The following IL1RAPL2 variants were observed in gnomAD, a reference collection of about 807,000 sequenced individuals.
The protein encoded by IL1RAPL2 is interleukin 1 receptor accessory protein like 2, also known as X-linked interleukin-1 receptor accessory protein-like 2.
In IL1RAPL2, 3 loss-of-function variants were observed where a neutral mutation model predicts 44.1. That is an observed-to-expected ratio of 0.07 (90% CI 0.03 to 0.18). The LOEUF (loss-of-function observed/expected upper bound fraction) is 0.18. IL1RAPL2 is among the 10% of genes least tolerant of loss of function. The pLI, the probability that IL1RAPL2 is intolerant of heterozygous loss-of-function variation, is 1.00. For missense variants in IL1RAPL2, 391 were observed against 496.4 expected (o/e 0.79, Z 2.02); for synonymous variants, 181 against 178.8 (o/e 1.01, Z -0.10).
At position 104,688,660 on chromosome X, in the gene IL1RAPL2, G is replaced by T. The variant is rs201674319; in HGVS notation, c.82+29665G>T. ...TTTTCATATAACCTCTTCCTACTAAGATTTTCACCTCTCTTGTTTAACCCA... is the reference window on the plus strand; with the variant it reads ...TTTTCATATAACCTCTTCCTACTAATATTTTCACCTCTCTTGTTTAACCCA... On this transcript the variant is annotated intron_variant, in intron 2 of 10. Transcript: ENST00000372582. Among the ~76,000 whole-genome samples the T allele has an allele frequency of 4.5e-5, 5 of 111,665 alleles. No homozygotes were observed. The East Asian group carries it at 1.4e-3, about 31-fold the overall frequency.
chrX:104,754,252 T>C (rs1419677337), intron 2 of IL1RAPL2, among the ~76,000 whole-genome samples: 1 of 111,788 alleles, frequency 8.9e-6, no homozygotes, highest in Non-Finnish European at 1.9e-5. Flanking sequence ...TTTTAAAATG[T>C]CCATCTCTCT....
intron 4 of IL1RAPL2, among the ~76,000 whole-genome samples, chrX:105,254,528 C>T (rs1392681492): frequency 8.9e-6 from 1 of 111,807 alleles, no homozygotes; most frequent in African/African-American, 3.2e-5. Flanking sequence ...TTGAAAGTTT[C>T]TTTTGCTATG....
chrX:105,658,184 G>A (rs761715639), intron 6 of IL1RAPL2, among the ~76,000 whole-genome samples: 35 of 110,446 alleles, frequency 3.2e-4, no homozygotes, highest in Middle Eastern at 4.7e-3. Flanking sequence ...TAATTAACTC[G>A]CCCCTCCTCC....
chrX:105,674,651 C>A (rs898851144), intron 6 of IL1RAPL2, among the ~76,000 whole-genome samples: 1 of 111,399 alleles, frequency 9.0e-6, no homozygotes, highest in African/African-American at 3.3e-5. Flanking sequence ...TATATGGGCT[C>A]TTTTTGGTTC....
intron 5 of IL1RAPL2, among the ~76,000 whole-genome samples, chrX:105,398,802 A>G (rs984287948): frequency 1.8e-5 from 2 of 111,877 alleles, no homozygotes; most frequent in Non-Finnish European, 3.8e-5. Flanking sequence ...TTAGAATGCC[A>G]GCTGTTATAA....
Position 104,707,143 on chromosome X carries a change from A to G in IL1RAPL2, c.82+48148A>G, listed in dbSNP as rs769290597. Among the ~76,000 whole-genome samples the G allele has an allele frequency of 1.4e-3, 158 of 111,299 alleles. 1 individual carries two copies. The highest frequency in any genetic ancestry group is 4.7e-3 in the African/African-American group (146 of 30,752). ...TCATAATTTAACAAAGTATAAAGGG[A>G]CTTTGGCAGATATCACCGAATCTGT... On this transcript the variant is annotated intron_variant, in intron 2 of 10. Transcript: ENST00000372582.
At chrX:105,463,532 T>C (rs193165632) in intron 5 of IL1RAPL2, among the ~76,000 whole-genome samples, 4,326 of 96,044 alleles carry the variant, frequency 0.045, 107 homozygotes, top group Admixed American at 0.14. Context: ...TAGATACACT[T>C]CTCTCTCTCT....
intron 1 of IL1RAPL2, among the ~76,000 whole-genome samples, chrX:104,645,033 A>T (rs780907079): frequency 9.0e-6 from 1 of 111,550 alleles, no homozygotes; most frequent in Non-Finnish European, 1.9e-5. Flanking sequence ...TTCTTGAAAT[A>T]TGCTATTCCC....
intron 5 of IL1RAPL2, among the ~76,000 whole-genome samples, chrX:105,296,858 C>T (rs2034657859): frequency 8.9e-6 from 1 of 112,188 alleles, no homozygotes; most frequent in South Asian, 3.7e-4. Flanking sequence ...TAAAAACATT[C>T]ATCTTAGATT....
chrX:105,044,220 G>A (rs905653412), intron 2 of IL1RAPL2, among the ~76,000 whole-genome samples: 1 of 110,721 alleles, frequency 9.0e-6, no homozygotes, highest in Non-Finnish European at 1.9e-5. Context: ...GGAGTTCTGG[G>A]TTCTCTCAAG....
intron 7 of IL1RAPL2, among the ~76,000 whole-genome samples, chrX:105,734,819 G>A (rs1300011423): frequency 9.0e-6 from 1 of 111,530 alleles, no homozygotes; most frequent in Non-Finnish European, 1.9e-5. Context: ...ACTTAGTAGC[G>A]CTTATGTAGG....
chrX:104,776,963 T>G (rs1459459827), intron 2 of IL1RAPL2, among the ~76,000 whole-genome samples: 1 of 111,793 alleles, frequency 8.9e-6, no homozygotes, highest in African/African-American at 3.2e-5. Flanking sequence ...AACCATCGTG[T>G]CTATGTAGGA....
At position 105,120,832 on chromosome X, in the gene IL1RAPL2, A is replaced by G. The variant is rs781733585; in HGVS notation, c.83-74643A>G. ...TCCAACTCCTTTTTAAATGAATTAG[A>G]TCAGTAGCTCTCACGGATTTGACTT... is the stretch of plus-strand genomic sequence containing the variant. On this transcript the variant is annotated intron_variant, in intron 2 of 10. Coordinates refer to ENST00000372582, the MANE Select transcript of IL1RAPL2 (RefSeq NM_017416.2). Among the ~76,000 whole-genome samples the G allele has an allele frequency of 6.2e-5, 7 of 112,016 alleles. No homozygotes were observed. In the East Asian group the frequency reaches 2.0e-3, roughly 31 times the overall value.
chrX:105,551,750 A>G (rs1433812255), intron 6 of IL1RAPL2, among the ~76,000 whole-genome samples: 1 of 112,008 alleles, frequency 8.9e-6, no homozygotes, highest in Non-Finnish European at 1.9e-5. Flanking sequence ...CATTTCATTA[A>G]TATGCAATGA....
chrX:105,425,434 T>G (rs755735278), intron 5 of IL1RAPL2, among the ~76,000 whole-genome samples: 8 of 108,257 alleles, frequency 7.4e-5, no homozygotes, highest in African/African-American at 2.7e-4. Context: ...AATGGGAACA[T>G]CTCCTTCCCC....
chrX:104,945,603 T>A (rs375197403), intron 2 of IL1RAPL2, among the ~76,000 whole-genome samples: 1 of 112,022 alleles, frequency 8.9e-6, no homozygotes, highest in Admixed American at 9.5e-5. Context: ...AATGCGTGTC[T>A]TTACAAATGG....
chrX:104,912,217 T>C, intron 2 of IL1RAPL2, among the ~76,000 whole-genome samples: 2 of 109,839 alleles, frequency 1.8e-5, no homozygotes, highest in Admixed American at 2.0e-4. Flanking sequence ...CCTAGAAGGC[T>C]GGGGAGGCAC....
chrX:105,330,437 T>C (rs2034977080), intron 5 of IL1RAPL2, among the ~76,000 whole-genome samples: 1 of 111,264 alleles, frequency 9.0e-6, no homozygotes, highest in Admixed American at 9.6e-5. Context: ...TTACAAATGC[T>C]GTTAATACCC....
chrX:104,579,110 G>C (rs917901608), intron 1 of IL1RAPL2, among the ~76,000 whole-genome samples: 2 of 111,557 alleles, frequency 1.8e-5, no homozygotes, highest in Non-Finnish European at 3.8e-5. Flanking sequence ...AAAAGGACTT[G>C]GGGTAGGGGC....
Sources: allele counts gnomAD v4.1 joint callset (sites outside exome capture counted in the v4.1 genomes callset), GRCh38; gene constraint gnomAD v4.1.1; transcripts MANE v1.5; gene names NCBI Gene and HGNC (gene_info 2026-07-23, HGNC 2026-07-21).